PCDHGB4: variants seen among roughly 807,000 people sequenced by gnomAD.
The protein encoded by PCDHGB4 is protocadherin gamma subfamily B, 4.
Under a neutral mutation model 60.5 loss-of-function variants are expected in PCDHGB4, and 38 were observed. The observed-to-expected ratio is 0.63, with a 90% confidence interval of 0.48 to 0.82. The LOEUF is 0.82. Ranked by LOEUF, PCDHGB4 falls within the 40% of genes least tolerant of loss-of-function variation. The pLI is 0.00. For missense variants in PCDHGB4, 1,109 were observed against 1,209.6 expected (o/e 0.92, Z 1.23); for synonymous variants, 456 against 509.7 (o/e 0.89, Z 1.42).
chr5:141,426,802 C>G (rs2096961440), intron 1 of PCDHGB4: 1 of 456,696 alleles, frequency 2.2e-6, no homozygotes, highest in South Asian at 1.5e-5. Flanking sequence ...CAGCTCAGTT[C>G]TAATGAACAT....
intron 2 of PCDHGB4, among the ~76,000 whole-genome samples, chr5:141,504,238 G>A (rs1043662594): frequency 2.0e-5 from 3 of 152,228 alleles, no homozygotes; most frequent in African/African-American, 7.2e-5. Flanking sequence ...CTAAGAAGCA[G>A]AGAGTTCTTC....
In PCDHGB4 at chr5:141,413,371, CGCGGAGT is replaced by C. The variant is rs765391000; in HGVS notation, c.2397+23091_2397+23097del. The C allele has an allele frequency of 3.7e-6, 6 of 1,613,848 alleles. No homozygotes were observed. In the African/African-American group the frequency reaches 8.0e-5, roughly 22 times the overall value. On this transcript the variant is annotated intron_variant, in intron 1 of 3. Coordinates refer to ENST00000519479, the MANE Select transcript of PCDHGB4 (RefSeq NM_003736.4). ...TCTGGCGCCCCGGGAGCTGGCGGAG[CGCGGAGT>C]CCGCATAGTCTCCAGAGGTAGGACG...
rs1040306905 is a variant in PCDHGB4, at chr5:141,388,372, G to C, written c.488G>C (p.Gly163Ala). ...ILGSAHDADI[G>A]SNTLQNYQLS... ...GGATCTGCCCATGATGCGGATATTG[G>C]TAGCAACACACTGCAGAATTACCAA... Residue 163 changes from glycine to alanine, a missense_variant, in exon 1 of 4, where the codon GGT becomes GCT. Physicochemically the swap from Gly to Ala is moderately conservative, Grantham distance 60. Around this residue, in one of 2 missense-constraint regions of PCDHGB4, gnomAD observed 1,068 missense variants for 1,089.9 expected, o/e 0.98. Coordinates refer to ENST00000519479, the MANE Select transcript of PCDHGB4 (RefSeq NM_003736.4). 3.1e-6 allele frequency: 5 copies of C among 1,613,966 alleles called. No individual in the cohort carries two copies. Among genetic ancestry groups the C allele is most frequent in the Non-Finnish European group, 4.2e-6 (5 of 1,179,886 alleles).
Position 141,477,588 on chromosome 5 carries a change from G to T in PCDHGB4, c.2398-17219G>T. 1 of 1,614,152 alleles carries T rather than the reference G, an allele frequency of 6.2e-7. No individual in the cohort carries two copies. The highest frequency in any genetic ancestry group is 8.5e-7 in the Non-Finnish European group (1 of 1,180,040). ...GACCCCGACGCCCCGCAGAATGCTCGGCTTTCTTTCTTTCTCTTGGAGCAA... is the reference window on the plus strand; with the variant it reads ...GACCCCGACGCCCCGCAGAATGCTCTGCTTTCTTTCTTTCTCTTGGAGCAA... On this transcript the variant is annotated intron_variant, in intron 1 of 3. Coordinates refer to ENST00000519479, the MANE Select transcript of PCDHGB4 (RefSeq NM_003736.4). This position sits in a 1 kb window ranked among gnomAD's most constrained non-coding sequence, Gnocchi z 4.9.
At chr5:141,435,902 A>G (rs896786345) in intron 1 of PCDHGB4, among the ~76,000 whole-genome samples, 1 of 152,194 alleles carries the variant, frequency 6.6e-6, no homozygotes, top group Non-Finnish European at 1.5e-5. Flanking sequence ...AATGAAAGAC[A>G]TCCAAGGGCT....
intron 1 of PCDHGB4, among the ~76,000 whole-genome samples, chr5:141,474,705 A>C (rs114026580): frequency 0.01 from 1,561 of 152,324 alleles, 35 homozygotes; most frequent in African/African-American, 0.035. Context: ...TCAAGGTTCT[A>C]TTATACTTCA....
chr5:141,434,449 G>C (rs1392115883), intron 1 of PCDHGB4, among the ~76,000 whole-genome samples: 1 of 152,232 alleles, frequency 6.6e-6, no homozygotes, highest in Non-Finnish European at 1.5e-5. Context: ...ATGCTGGAAG[G>C]TAGTGGGTTT....
chr5:141,427,528 A>G (rs1360860476), intron 1 of PCDHGB4: 1 of 617,748 alleles, frequency 1.6e-6, no homozygotes, highest in Non-Finnish European at 3.0e-6. Context: ...CGGATCCCGG[A>G]GTACAACGTC....
Position 141,388,092 on chromosome 5 carries a change from T to C in PCDHGB4, c.208T>C (p.Ser70Pro). ...ACCGACTCGAAAACTGCGCGTCAGT[T>C]CGGAGAAGCCTTACTTCACCGTGAG... ...ELPTRKLRVS[S>P]EKPYFTVSAE... Residue 70 changes from serine (S) to proline (P), a missense_variant, in exon 1 of 4, where the codon TCG (serine) becomes CCG (proline). This residue lies in a region of PCDHGB4 where 41 missense variants were observed against 119.7 expected (regional missense o/e 0.34). Transcript: ENST00000519479. 12 of 1,373,060 alleles carry C rather than the reference T, an allele frequency of 8.7e-6. No homozygotes were observed. The highest frequency in any genetic ancestry group is 1.2e-5 in the Non-Finnish European group (12 of 996,322). 85.1% of individuals were successfully genotyped at this position (1,373,060 alleles called of 1,614,324 possible). A position where few individuals can be genotyped will look rare whatever the true frequency, so the allele number is the denominator to read the frequency against.
intron 1 of PCDHGB4, chr5:141,417,885 G>T (rs761442517): frequency 3.8e-6 from 6 of 1,562,926 alleles, no homozygotes; most frequent in South Asian, 1.2e-5. Context: ...GCGCAGAGGC[G>T]CCGGGCCGGC....
intron 1 of PCDHGB4, among the ~76,000 whole-genome samples, chr5:141,444,150 GGA>G (rs1471930589): frequency 1.6e-4 from 18 of 114,012 alleles, no homozygotes; most frequent in Non-Finnish European, 2.3e-4. Context: ...TGTGTGTACT[GGA>G]TTTTTTTTTT....
intron 1 of PCDHGB4, chr5:141,413,382 CAT>C (rs752944261): frequency 2.5e-6 from 4 of 1,613,998 alleles, no homozygotes; most frequent in Non-Finnish European, 3.4e-6. Flanking sequence ...GCGGAGTCCG[CAT>C]AGTCTCCAGA....
intron 1 of PCDHGB4, chr5:141,399,825 C>T (rs1439243162): frequency 1.9e-6 from 3 of 1,613,178 alleles, no homozygotes; most frequent in Non-Finnish European, 2.5e-6. Flanking sequence ...TGGGTCCCGA[C>T]GGCTCTGCGC....
At chr5:141,418,872 T>C (rs1351483025) in intron 1 of PCDHGB4, 11 of 1,613,996 alleles carry the variant, frequency 6.8e-6, no homozygotes, top group East Asian at 2.2e-5. Context: ...GTAGAAGTTG[T>C]AGACGAAAAC....
At chr5:141,394,251 G>A (rs1380359596) in intron 1 of PCDHGB4, 1 of 1,613,744 alleles carries the variant, frequency 6.2e-7, no homozygotes, top group Non-Finnish European at 8.5e-7. Flanking sequence ...ACACGACCCC[G>A]ACAGCCAGGA....
chr5:141,400,076 T>C, intron 1 of PCDHGB4: 2 of 1,613,932 alleles, frequency 1.2e-6, no homozygotes, highest in Non-Finnish European at 1.7e-6. Context: ...CAGCCGCCAC[T>C]CTCCGCCACC....
chr5:141,465,836 A>G (rs974075792), intron 1 of PCDHGB4, among the ~76,000 whole-genome samples: 1 of 151,774 alleles, frequency 6.6e-6, no homozygotes, highest in East Asian at 1.9e-4. Context: ...TAAAATTTCA[A>G]CTGAGGCTGG....
rs143083513 is a variant in PCDHGB4 at position 141,431,088 on chromosome 5, T to C, written c.2397+40807T>C. On this transcript the variant is annotated intron_variant, in intron 1 of 3. Coordinates refer to ENST00000519479, the MANE Select transcript of PCDHGB4 (RefSeq NM_003736.4). This position sits in a 1 kb window ranked among gnomAD's most constrained non-coding sequence, Gnocchi z 4.8. The stretch of plus-strand genomic sequence containing the variant: ...TGTCAATTAAATCTAGACATTCTGA[T>C]GGAGGATAAAGTGAAAATATATGGA... 106 of 1,614,180 alleles carry C rather than the reference T, an allele frequency of 6.6e-5. 1 individual carries two copies. The highest frequency in any genetic ancestry group is 3.1e-4 in the East Asian group (14 of 44,890).
In PCDHGB4 at chr5:141,387,727, C is replaced by T; in HGVS notation, c.-158C>T. Reference sequence around the variant, plus strand: ...CAGCCCCAGCTCAGACTCCCCAGCGCCAGCCTTTACACCGCTTCCTCCTCG... The same window carrying T: ...CAGCCCCAGCTCAGACTCCCCAGCGTCAGCCTTTACACCGCTTCCTCCTCG... On this transcript the variant is annotated 5_prime_UTR_variant, in exon 1 of 4. Coordinates refer to ENST00000519479, the MANE Select transcript of PCDHGB4 (RefSeq NM_003736.4). 3 of 1,216,044 alleles carry T rather than the reference C, an allele frequency of 2.5e-6. No individual in the cohort carries two copies. Among genetic ancestry groups the T allele is most frequent in the South Asian group, 3.2e-5 (2 of 62,200 alleles). 75.3% of individuals were successfully genotyped at this position (1,216,044 alleles called of 1,614,324 possible). A position where few individuals can be genotyped will look rare whatever the true frequency, so the allele number is the denominator to read the frequency against.
Sources: gnomAD v4.1 joint callset for allele counts (sites outside exome capture counted in the v4.1 genomes callset) on GRCh38, gnomAD v4.1.1 for gene constraint, gnomAD v4.1.1 regional missense constraint, Gnocchi (gnomAD v3.1) non-coding constraint, MANE v1.5 for transcripts, NCBI Gene and HGNC (gene_info 2026-07-23, HGNC 2026-07-21) for gene names.